TSEN54: variants seen among roughly 807,000 people sequenced by gnomAD.
The protein encoded by TSEN54 is tRNA-splicing endonuclease subunit Sen54.
Under a neutral mutation model 61.9 loss-of-function variants are expected in TSEN54, and 55 were observed. The ratio of observed to expected loss-of-function variants is 0.89; its 90% CI spans 0.72 to 1.11. The LOEUF (loss-of-function observed/expected upper bound fraction) is 1.11. Among genes scored for constraint, TSEN54 ranks in the 50% most tolerant of loss-of-function variants. TSEN54 has a pLI of 0.00. For missense variants in TSEN54, 760 were observed against 687.7 expected (o/e 1.11, Z -1.18); for synonymous variants, 304 against 288.7 (o/e 1.05, Z -0.54).
chr17:75,517,240 AGTGT>A lies in TSEN54; in HGVS notation c.368_369+2del. 1.3e-6 allele frequency: 2 copies of A among 1,595,178 alleles called. No individual in the cohort carries two copies. The highest frequency in any genetic ancestry group is 1.7e-6 in the Non-Finnish European group (2 of 1,171,124). ...CCGGAAGAGGCCTTGTATCTTCTGG[AGTGT>A]GTAAGTGGGGCCCGGGAGGTGGGGA... On this transcript the variant is annotated frameshift_variant and splice_region_variant, in exon 4 of 11. Transcript: ENST00000333213. LOFTEE classifies it high-confidence loss of function.
At position 75,524,480 on chromosome 17, in the gene TSEN54, T is replaced by C; in HGVS notation, c.*68T>C. The C allele has an allele frequency of 6.3e-7, 1 of 1,598,116 alleles. No homozygotes were observed. The highest frequency in any genetic ancestry group is 1.1e-5 in the South Asian group (1 of 90,676). ...GGACTGTCTGTTCTCAGGGACCATC[T>C]CGGCTGCCTCCTGTACCCAGACTCT... is the stretch of plus-strand genomic sequence containing the variant. On this transcript the variant is annotated 3_prime_UTR_variant, in exon 11 of 11. Coordinates refer to ENST00000333213, the MANE Select transcript of TSEN54 (RefSeq NM_207346.3).
chr17:75,521,176 A>G (rs2053423381), intron 6 of TSEN54, among the ~76,000 whole-genome samples: 1 of 152,244 alleles, frequency 6.6e-6, no homozygotes, highest in Non-Finnish European at 1.5e-5. Flanking sequence ...TTATTTTTCT[A>G]TATTTACCAA....
chr17:75,517,887 T>A (rs1319032409), intron 5 of TSEN54, among the ~76,000 whole-genome samples: 2 of 152,096 alleles, frequency 1.3e-5, no homozygotes, highest in Non-Finnish European at 2.9e-5. Context: ...GGCTGTTCAT[T>A]CAGGTGAGAG....
Position 75,524,589 on chromosome 17 carries a change from C to A in TSEN54, c.*177C>A. ...GTGAAACTGTGACCCTCTCCCTTCC[C>A]TGCTGCCTTGCAGTGACCCCTCTGG... On this transcript the variant is annotated 3_prime_UTR_variant, in exon 11 of 11. Transcript: ENST00000333213. The A allele has an allele frequency of 1.2e-6, 1 of 825,638 alleles. No homozygotes were observed. Among genetic ancestry groups the A allele is most frequent in the Non-Finnish European group, 2.0e-6 (1 of 496,448 alleles). The allele number at this position is 825,638 out of a possible 1,614,324, so 51.1% of individuals were successfully genotyped here.
Position 75,521,947 on chromosome 17 carries a change from C to T in TSEN54, c.866C>T (p.Thr289Met), listed in dbSNP as rs575243335. The stretch of plus-strand genomic sequence containing the variant: ...AGTGGCAGAGCCGAGAACGGAGTCA[C>T]GGGAGCCGGTAAGCGGCGCTGGAAC... ...WESGRAENGV[T>M]GAGKRRWNFE... Residue 289 changes from threonine (T) to methionine (M), a missense_variant, in exon 8 of 11, where the codon ACG becomes ATG. Transcript: ENST00000333213. 7.5e-6 allele frequency: 12 copies of T among 1,610,230 alleles called. No individual in the cohort carries two copies. The highest frequency in any genetic ancestry group is 2.2e-5 in the South Asian group (2 of 90,808).
rs11559205 is a variant in TSEN54, at chr17:75,517,596, A to G, written c.409A>G (p.Ile137Val). ...CTTCCACCAAGACCTGCCACTGTCT[A>G]TCCAGGAAGCTTACCAGCTGCTGCT... Reference protein sequence around the residue: ...HLFHQDLPLSIQEAYQLLLTD... With the variant: ...HLFHQDLPLSVQEAYQLLLTD... Residue 137 changes from isoleucine to valine, a missense_variant, in exon 5 of 11, where the codon ATC (isoleucine) becomes GTC (valine). By Grantham distance (29) the Ile-to-Val change is conservative (BLOSUM62 3). Transcript: ENST00000333213. The G allele has an allele frequency of 5.6e-6, 9 of 1,613,654 alleles. No homozygotes were observed. The highest frequency in any genetic ancestry group is 1.1e-5 in the South Asian group (1 of 91,044).
chr17:75,523,906 C>A, intron 10 of TSEN54, 127 bp downstream of exon 10: 1 of 1,080,364 alleles, frequency 9.3e-7, no homozygotes, highest in Non-Finnish European at 1.4e-6. Flanking sequence ...TCCAGAGAGG[C>A]TAAGTGACCT....
chr17:75,523,267 C>T lies in TSEN54; in HGVS notation c.1253-8C>T. ...CTCCCCAGTACCTTGTTTTCTGTGT[C>T]CTTGTAGCCGTGGTCCTTCAGCATA... is the stretch of plus-strand genomic sequence containing the variant. On this transcript the variant is annotated splice_region_variant and splice_polypyrimidine_tract_variant and intron_variant, in intron 8 of 10. Transcript: ENST00000333213. 6.2e-7 allele frequency: 1 copy of T among 1,614,092 alleles called. No homozygotes were observed. The highest frequency in any genetic ancestry group is 1.7e-5 in the Admixed American group (1 of 60,016).
rs1383991855 is a variant in TSEN54 at position 75,522,286 on chromosome 17, G to T, written c.1205G>T (p.Gly402Val). The change falls in exon 8 of 11, where the codon GGC becomes GTC. Residue 402 changes from glycine (G) to valine (V), a missense_variant. Coordinates refer to ENST00000333213, the MANE Select transcript of TSEN54 (RefSeq NM_207346.3). ...CAGCGCCGGGCCCCTCACCTGTGGGGCCAGCCCGTCACCCCGCTGCTGAGT... is the reference window on the plus strand; with the variant it reads ...CAGCGCCGGGCCCCTCACCTGTGGGTCCAGCCCGTCACCCCGCTGCTGAGT... Reference protein sequence around the residue: ...RSQRRAPHLWGQPVTPLLSPG... With the variant: ...RSQRRAPHLWVQPVTPLLSPG... The T allele has an allele frequency of 1.2e-5, 18 of 1,546,208 alleles. No homozygotes were observed. The highest frequency in any genetic ancestry group is 2.7e-5 in the African/African-American group (2 of 72,988).
chr17:75,520,782 T>G (rs1208507769), intron 6 of TSEN54, among the ~76,000 whole-genome samples: 1 of 151,846 alleles, frequency 6.6e-6, no homozygotes, highest in African/African-American at 2.4e-5. Flanking sequence ...GGTGAAACCT[T>G]GTCTCTACTA....
At chr17:75,519,414 T>C (rs1295921315) in intron 6 of TSEN54, among the ~76,000 whole-genome samples, 1 of 152,024 alleles carries the variant, frequency 6.6e-6, no homozygotes, top group Non-Finnish European at 1.5e-5. Flanking sequence ...ATTAGTAGGG[T>C]TTCACATTTT....
At position 75,516,630 on chromosome 17, in the gene TSEN54, C is replaced by T; in HGVS notation, c.56+14C>T. ...GCGCGTGCTCAGGTGCGGCGCGGCC[C>T]GGCCGGAGTGGGTGTCGGGGGCGCG... On this transcript the variant is annotated intron_variant, in intron 1 of 10. Coordinates refer to ENST00000333213, the MANE Select transcript of TSEN54 (RefSeq NM_207346.3). The T allele has an allele frequency of 3.3e-6, 4 of 1,204,058 alleles. No individual in the cohort carries two copies. Among genetic ancestry groups the T allele is most frequent in the Non-Finnish European group, 4.1e-6 (4 of 971,454 alleles). 74.6% of individuals were successfully genotyped at this position (1,204,058 alleles called of 1,614,324 possible).
intron 5 of TSEN54, 109 bp downstream of exon 5, chr17:75,517,764 C>A: frequency 1.0e-6 from 1 of 954,358 alleles, no homozygotes; most frequent in Non-Finnish European, 1.7e-6. Flanking sequence ...GGCTGCAGGG[C>A]AGACGAGGGC....
At chr17:75,519,076 A>T in intron 6 of TSEN54, 29 bp downstream of exon 6, 8 of 1,612,872 alleles carry the variant, frequency 5.0e-6, no homozygotes, top group Non-Finnish European at 6.8e-6. Flanking sequence ...CCCCTTCCAT[A>T]TATTCTAGTC....
At chr17:75,518,403 G>A (rs545496951) in intron 5 of TSEN54, 99 of 390,250 alleles carry the variant, frequency 2.5e-4, no homozygotes, top group African/African-American at 2.0e-3. Context: ...AGACCGAGGA[G>A]TGTCTGGTGA....
Position 75,516,827 on chromosome 17 carries a change from C to G in TSEN54, c.138C>G (p.Asp46Glu). The G allele has an allele frequency of 1.9e-6, 3 of 1,591,300 alleles. No individual in the cohort carries two copies. Among genetic ancestry groups the G allele is most frequent in the Non-Finnish European group, 2.6e-6 (3 of 1,175,710 alleles). The change falls in exon 2 of 11, where the codon GAC (aspartate) becomes GAG (glutamate). Residue 46 changes from aspartate to glutamate, a missense_variant. By Grantham distance (45) the Asp-to-Glu change is conservative. This residue lies in a region of TSEN54 where 667 missense variants were observed against 577.8 expected (regional missense o/e 1.15). Transcript: ENST00000333213. ...ATGGCCCCAAGGACTTTCTGCCCGA[C>G]GGCTCGGCAGCTCAGGCCGAGCGGC... ...RSHGPKDFLP[D>E]GSAAQAERLR...
chr17:75,520,564 C>T (rs113712449), intron 6 of TSEN54, among the ~76,000 whole-genome samples: 13,926 of 141,676 alleles, frequency 0.098, 922 homozygotes, highest in African/African-American at 0.19. Context: ...CCAGCCTGGG[C>T]GAAAAAGCGA....
chr17:75,520,154 G>A (rs750114904), intron 6 of TSEN54, among the ~76,000 whole-genome samples: 6 of 152,186 alleles, frequency 3.9e-5, no homozygotes, highest in Non-Finnish European at 8.8e-5. Context: ...CCTTAGAGCA[G>A]CTCTGTCCAA....
At chr17:75,517,110 T>TGCCCAACCC in intron 3 of TSEN54, 38 bp downstream of exon 3, 1 of 1,193,658 alleles carries the variant, frequency 8.4e-7, no homozygotes. Context: ...CCGCCCTCCC[T>TGCCCAACCC]GCCCTCCCTG....
Sources: gnomAD v4.1 joint callset for allele counts (sites outside exome capture counted in the v4.1 genomes callset) on GRCh38, gnomAD v4.1.1 for gene constraint, gnomAD v4.1.1 regional missense constraint, MANE v1.5 for transcripts, NCBI Gene and HGNC (gene_info 2026-07-23, HGNC 2026-07-21) for gene names.